Variants in TAF12 observed in about 807,000 individuals in gnomAD.
TAF12 encodes the protein transcription initiation factor TFIID subunit 12.
Under a neutral mutation model 20.8 loss-of-function variants are expected in TAF12, and 3 were observed. The observed-to-expected ratio is 0.14, with a 90% CI of 0.07 to 0.37. The LOEUF is 0.37. TAF12 is among the 10% of genes least tolerant of loss of function. The pLI, the probability that TAF12 is intolerant of heterozygous loss-of-function variation, is 1.00. For missense variants in TAF12, 131 were observed against 197.9 expected (o/e 0.66, Z 2.03); for synonymous variants, 69 against 70.2 (o/e 0.98, Z 0.09).
At chr1:28,604,592 T>C (rs1666603551) in intron 5 of TAF12, among the ~76,000 whole-genome samples, 1 of 152,326 alleles carries the variant, frequency 6.6e-6, no homozygotes, top group Non-Finnish European at 1.5e-5. Flanking sequence ...AGTGCAATCT[T>C]TCCATTCAGG....
At chr1:28,638,040 G>A (rs1171010007) in intron 1 of TAF12, among the ~76,000 whole-genome samples, 2 of 151,846 alleles carry the variant, frequency 1.3e-5, no homozygotes, top group African/African-American at 4.8e-5. Flanking sequence ...TCGCTCTGTC[G>A]CTCAGGCTGG....
At chr1:28,645,889 ACCT>A (rs1668173026), upstream of TAF12, among the ~76,000 whole-genome samples, 1 of 151,704 alleles carries the variant, frequency 6.6e-6, no homozygotes, top group African/African-American at 2.4e-5. Flanking sequence ...AATCGCTTAA[ACCT>A]GGGTGGTAGA....
intron 3 of TAF12, 126 bp downstream of exon 3, chr1:28,617,827 C>T: frequency 1.1e-6 from 1 of 926,372 alleles, no homozygotes. Context: ...CTCTGGGTTC[C>T]AGCAATCCTC....
upstream of TAF12, among the ~76,000 whole-genome samples, chr1:28,646,543 T>A (rs181366309): frequency 7.3e-3 from 1,118 of 152,252 alleles, 11 homozygotes; most frequent in Middle Eastern, 0.014. Flanking sequence ...TTATTTATTT[T>A]TTTTTGAGAC....
intron 1 of TAF12, among the ~76,000 whole-genome samples, chr1:28,636,906 G>A (rs1023374942): frequency 6.6e-6 from 1 of 152,162 alleles, no homozygotes; most frequent in African/African-American, 2.4e-5. Context: ...CTAGGAGTGC[G>A]AGGCTGTAGT....
At chr1:28,618,138 T>C in intron 2 of TAF12, 108 bp from the exon 3 acceptor site, 1 of 970,022 alleles carries the variant, frequency 1.0e-6, no homozygotes, top group Non-Finnish European at 1.6e-6. Context: ...AGTTTCCACT[T>C]TCCAATGAGT....
intron 3 of TAF12, 124 bp downstream of exon 3, chr1:28,617,829 G>T: frequency 1.1e-6 from 1 of 935,948 alleles, no homozygotes; most frequent in Non-Finnish European, 1.7e-6. Context: ...CTGGGTTCCA[G>T]CAATCCTCCT....
upstream of TAF12, among the ~76,000 whole-genome samples, chr1:28,645,465 T>C (rs1305673424): frequency 7.2e-4 from 98 of 136,902 alleles, no homozygotes; most frequent in Non-Finnish European, 9.3e-5. Context: ...CTGGCCAAAA[T>C]AGTGAAACCC....
intron 1 of TAF12, among the ~76,000 whole-genome samples, chr1:28,632,493 G>A (rs1200047993): frequency 1.3e-5 from 2 of 152,122 alleles, no homozygotes; most frequent in African/African-American, 4.8e-5. Flanking sequence ...TCCAGCCTGG[G>A]CAGCAGAGTA....
At chr1:28,639,204 G>A (rs1201356155) in intron 1 of TAF12, among the ~76,000 whole-genome samples, 1 of 151,490 alleles carries the variant, frequency 6.6e-6, no homozygotes, top group African/African-American at 2.4e-5. Flanking sequence ...ATCATCTGAG[G>A]TCAGGAGTTC....
Position 28,624,608 on chromosome 1 carries a change from A to C in TAF12, c.-84-2443T>G, listed in dbSNP as rs978176647. ...CTAAAAATACAAAAACTAGCCAGGCATGGTGGCACGTGCCTGTAATCCCAG... is the reference window on the plus strand; with the variant it reads ...CTAAAAATACAAAAACTAGCCAGGCCTGGTGGCACGTGCCTGTAATCCCAG... On this transcript the variant is annotated intron_variant, in intron 1 of 5. Coordinates refer to ENST00000373824, the MANE Select transcript of TAF12 (RefSeq NM_005644.4). Among the ~76,000 whole-genome samples the C allele has an allele frequency of 2.4e-4, 37 of 151,984 alleles. 1 individual carries two copies. The highest frequency in any genetic ancestry group is 4.4e-5 in the Non-Finnish European group (3 of 67,976).
rs548238209 is a variant in TAF12, at chr1:28,624,623, T to C, written c.-84-2458A>G. Among the ~76,000 whole-genome samples, 500 of 152,184 alleles carry C rather than the reference T, an allele frequency of 3.3e-3. 2 individuals carry two copies. Among genetic ancestry groups the C allele is most frequent in the African/African-American group, 0.012 (478 of 41,536 alleles). ...CTAGCCAGGCATGGTGGCACGTGCC[T>C]GTAATCCCAGCTACTTGGGAGGCTG... On this transcript the variant is annotated intron_variant, in intron 1 of 5. Transcript: ENST00000373824.
intron 4 of TAF12, among the ~76,000 whole-genome samples, chr1:28,605,701 C>T (rs1666643505): frequency 6.6e-6 from 1 of 152,210 alleles, no homozygotes; most frequent in Non-Finnish European, 1.5e-5. Context: ...TCTTGGCTCA[C>T]TACAGCCTTG....
rs1666557567 is a variant in TAF12, at chr1:28,603,082, A to AATT, written c.*456_*457insAAT. On this transcript the variant is annotated 3_prime_UTR_variant, in exon 6 of 6. Coordinates refer to ENST00000373824, the MANE Select transcript of TAF12 (RefSeq NM_005644.4). ...TTGTCCTGACTCCCTCTGGGATTTC[A>AATT]AAGGTACCCTGTCTTTCGATTAATA... 1 of 154,118 alleles carries AATT rather than the reference A, an allele frequency of 6.5e-6. No homozygotes were observed. Among genetic ancestry groups the AATT allele is most frequent in the Admixed American group, 6.5e-5 (1 of 15,488 alleles). The allele number at this position is 154,118 out of a possible 1,614,324, so 9.5% of individuals were successfully genotyped here. A position where few individuals can be genotyped will look rare whatever the true frequency, so the allele number is the denominator to read the frequency against.
intron 1 of TAF12, among the ~76,000 whole-genome samples, chr1:28,638,920 T>C (rs1667936827): frequency 1.3e-5 from 2 of 150,712 alleles, no homozygotes; most frequent in Non-Finnish European, 3.0e-5. Flanking sequence ...GCCTCCCAAG[T>C]AGCTGCGACT....
chr1:28,612,678 C>T (rs999173057), intron 4 of TAF12, among the ~76,000 whole-genome samples: 2 of 151,512 alleles, frequency 1.3e-5, no homozygotes, highest in Non-Finnish European at 2.9e-5. Context: ...ATGGTCATCA[C>T]TGTTAGCTGA....
rs1666569633 is a variant in TAF12, at chr1:28,603,463, C to G, written c.*76G>C. 2 of 1,519,386 alleles carry G rather than the reference C, an allele frequency of 1.3e-6. No homozygotes were observed. Among genetic ancestry groups the G allele is most frequent in the South Asian group, 2.3e-5 (2 of 86,470 alleles). 94.1% of individuals were successfully genotyped at this position (1,519,386 alleles called of 1,614,324 possible). A position where few individuals can be genotyped will look rare whatever the true frequency, so the allele number is the denominator to read the frequency against. ...CTGTAAAGCATTAAAAAAAAAAATC[C>G]AAGGATGAGATGGCTGAGTTCTCAG... On this transcript the variant is annotated 3_prime_UTR_variant, in exon 6 of 6. Coordinates refer to ENST00000373824, the MANE Select transcript of TAF12 (RefSeq NM_005644.4).
At position 28,643,026 on chromosome 1, in the gene TAF12, G is replaced by A. The variant is rs549423625; in HGVS notation, c.-119C>T. The A allele has an allele frequency of 1.4e-5, 14 of 985,904 alleles. No individual in the cohort carries two copies. Among genetic ancestry groups the A allele is most frequent in the African/African-American group, 1.7e-5 (1 of 57,370 alleles). The allele number at this position is 985,904 out of a possible 1,614,324, so 61.1% of individuals were successfully genotyped here. On this transcript the variant is annotated 5_prime_UTR_variant, in exon 1 of 6. Coordinates refer to ENST00000373824, the MANE Select transcript of TAF12 (RefSeq NM_005644.4). ...CGTCTATCTCCCCATGATATGCAGA[G>A]ACTGCCCCAGTGAAGCGTTCGTCTC...
upstream of TAF12, among the ~76,000 whole-genome samples, chr1:28,647,367 A>G (rs1214592079): frequency 6.6e-6 from 1 of 151,888 alleles, no homozygotes; most frequent in Non-Finnish European, 1.5e-5. Flanking sequence ...GGCTCACTGT[A>G]GCCTTGACTT....
Sources: gnomAD v4.1 joint callset for allele counts (sites outside exome capture counted in the v4.1 genomes callset) on GRCh38, gnomAD v4.1.1 for gene constraint, MANE v1.5 for transcripts, NCBI Gene and HGNC (gene_info 2026-07-23, HGNC 2026-07-21) for gene names.